Variants in CACNB2 observed in about 807,000 individuals in gnomAD.
The protein encoded by CACNB2 is calcium voltage-gated channel auxiliary subunit beta 2.
In CACNB2, 42 loss-of-function variants were observed where a neutral mutation model predicts 73.3. The observed-to-expected ratio is 0.57, with a 90% CI of 0.45 to 0.74. The LOEUF is 0.74. CACNB2 is among the 30% of genes least tolerant of loss of function. The probability of loss-of-function intolerance (pLI) is 0.00; values close to 1 mark genes in which losing one functional copy is unlikely to be tolerated. For missense variants in CACNB2, 940 were observed against 853.0 expected (o/e 1.10, Z -1.27); for synonymous variants, 348 against 310.3 (o/e 1.12, Z -1.28).
At chr10:18,298,887 T>C (rs1387345088) in intron 2 of CACNB2, among the ~76,000 whole-genome samples, 1 of 151,958 alleles carries the variant, frequency 6.6e-6, no homozygotes, top group African/African-American at 2.4e-5. Flanking sequence ...CTTTGAGCTC[T>C]TAGATGGAGA....
chr10:18,418,745 C>G (rs912110095), intron 3 of CACNB2, among the ~76,000 whole-genome samples: 2 of 152,146 alleles, frequency 1.3e-5, no homozygotes, highest in Non-Finnish European at 2.9e-5. Flanking sequence ...TGTGTTCTGA[C>G]CACAGGGCAT....
In CACNB2 at chr10:18,218,383, G is replaced by C. The variant is rs528409217; in HGVS notation, c.213+67408G>C. Among the ~76,000 whole-genome samples the C allele has an allele frequency of 9.2e-5, 14 of 152,242 alleles. No homozygotes were observed. The South Asian group carries it at 1.9e-3, about 20-fold the overall frequency. Reference sequence around the variant, plus strand: ...AATTCCATACAATTTATTTGACATAGTAAGAGTATAGATTGTTCACAATCT... The same window carrying C: ...AATTCCATACAATTTATTTGACATACTAAGAGTATAGATTGTTCACAATCT... On this transcript the variant is annotated intron_variant, in intron 2 of 13. Transcript: ENST00000324631.
intron 2 of CACNB2, among the ~76,000 whole-genome samples, chr10:18,241,730 T>C (rs1406562503): frequency 1.3e-5 from 2 of 152,144 alleles, no homozygotes; most frequent in African/African-American, 2.4e-5. Flanking sequence ...ATTTAGATTA[T>C]ATTTTAATTA....
intron 2 of CACNB2, among the ~76,000 whole-genome samples, chr10:18,249,883 T>C (rs1281182301): frequency 6.6e-6 from 1 of 152,196 alleles, no homozygotes; most frequent in Non-Finnish European, 1.5e-5. Flanking sequence ...AAAAGTATTT[T>C]TTGTTTTCTC....
At chr10:18,514,520 A>G in intron 7 of CACNB2, 151 bp downstream of exon 7, 1 of 1,613,960 alleles carries the variant, frequency 6.2e-7, no homozygotes, top group Non-Finnish European at 8.5e-7. Context: ...GCTAAGCAGA[A>G]GCAGAAATCG....
At chr10:18,535,695 C>A (rs2053500064) in intron 11 of CACNB2, among the ~76,000 whole-genome samples, 1 of 151,960 alleles carries the variant, frequency 6.6e-6, no homozygotes, top group Non-Finnish European at 1.5e-5. Context: ...ATGGTGTGAA[C>A]CTGGGAGGTG....
intron 2 of CACNB2, among the ~76,000 whole-genome samples, chr10:18,389,727 C>T (rs537786313): frequency 1.3e-5 from 2 of 152,218 alleles, no homozygotes; most frequent in South Asian, 2.1e-4. Flanking sequence ...CAAAGGGTTG[C>T]GTGAAAGCCA....
intron 2 of CACNB2, among the ~76,000 whole-genome samples, chr10:18,295,855 G>A (rs867188191): frequency 5.9e-5 from 9 of 152,116 alleles, no homozygotes; most frequent in South Asian, 2.1e-4. Flanking sequence ...CTGCATAGAC[G>A]ATGAGACATT....
intron 2 of CACNB2, among the ~76,000 whole-genome samples, chr10:18,196,285 C>G (rs1306477221): frequency 7.4e-6 from 1 of 134,638 alleles, no homozygotes. Context: ...GCACCACCAC[C>G]AACAAAACTT....
chr10:18,296,584 T>C (rs1246706324), intron 2 of CACNB2, among the ~76,000 whole-genome samples: 3 of 152,148 alleles, frequency 2.0e-5, no homozygotes, highest in African/African-American at 7.2e-5. Flanking sequence ...TAGCCAGCCA[T>C]AAAGCATTAG....
At chr10:18,473,192 G>A (rs1178031488) in intron 3 of CACNB2, among the ~76,000 whole-genome samples, 1 of 152,144 alleles carries the variant, frequency 6.6e-6, no homozygotes, top group Non-Finnish European at 1.5e-5. Context: ...TACTTTTCAG[G>A]TGGGGCCCCG....
intron 2 of CACNB2, among the ~76,000 whole-genome samples, chr10:18,270,653 T>A (rs2038012941): frequency 6.6e-6 from 1 of 152,066 alleles, no homozygotes; most frequent in Non-Finnish European, 1.5e-5. Flanking sequence ...TTCATACAGT[T>A]TCCTAACAAT....
At chr10:18,329,904 C>G (rs938342750) in intron 2 of CACNB2, among the ~76,000 whole-genome samples, 14 of 152,192 alleles carry the variant, frequency 9.2e-5, no homozygotes, top group Admixed American at 6.5e-4. Context: ...GTGGTGCGAT[C>G]TCGGCTAACT....
intron 2 of CACNB2, among the ~76,000 whole-genome samples, chr10:18,293,368 T>C (rs1220830327): frequency 2.0e-5 from 3 of 152,228 alleles, no homozygotes; most frequent in African/African-American, 7.2e-5. Context: ...GGGCTAGTTC[T>C]GATGTCCAAA....
chr10:18,181,175 C>G (rs1055219527), intron 2 of CACNB2, among the ~76,000 whole-genome samples: 2 of 151,940 alleles, frequency 1.3e-5, no homozygotes, highest in Non-Finnish European at 1.5e-5. Flanking sequence ...ACCTTGCCCT[C>G]TAGAACTGTG....
intron 6 of CACNB2, among the ~76,000 whole-genome samples, chr10:18,513,994 G>A (rs1311992840): frequency 6.6e-6 from 1 of 152,126 alleles, no homozygotes; most frequent in East Asian, 1.9e-4. Context: ...TATTCAAGAC[G>A]TCTAGCATGA....
chr10:18,499,176 G>A (rs1470735234), intron 4 of CACNB2, among the ~76,000 whole-genome samples: 1 of 152,164 alleles, frequency 6.6e-6, no homozygotes, highest in African/African-American at 2.4e-5. Context: ...CTCAGTGTGT[G>A]ATCCTGAGGT....
intron 2 of CACNB2, among the ~76,000 whole-genome samples, chr10:18,349,387 C>A (rs570800383): frequency 2.4e-4 from 36 of 152,274 alleles, no homozygotes; most frequent in Admixed American, 5.2e-4. Context: ...TAGACCACAG[C>A]GAGTGTGAAG....
At chr10:18,335,684 G>A (rs1589071602) in intron 2 of CACNB2, among the ~76,000 whole-genome samples, 1 of 151,750 alleles carries the variant, frequency 6.6e-6, no homozygotes. Flanking sequence ...TCTCACTGAT[G>A]CATACATTTT....
Sources: allele counts gnomAD v4.1 joint callset (sites outside exome capture counted in the v4.1 genomes callset), GRCh38; gene constraint gnomAD v4.1.1; transcripts MANE v1.5; gene names NCBI Gene and HGNC (gene_info 2026-07-23, HGNC 2026-07-21).